The following ROR2 variants were observed in gnomAD, a reference collection of about 807,000 sequenced individuals.
ROR2 encodes the protein ROR family WNT receptor 2.
Under a neutral mutation model 74.9 loss-of-function variants are expected in ROR2, and 33 were observed. The ratio of observed to expected loss-of-function variants is 0.44; its 90% CI spans 0.33 to 0.59. The LOEUF is 0.59. Ranked by LOEUF, ROR2 falls within the 20% of genes least tolerant of loss-of-function variation. The probability of loss-of-function intolerance (pLI) is 0.02; values close to 1 mark genes in which losing one functional copy is unlikely to be tolerated. For missense variants in ROR2, 1,216 were observed against 1,313.8 expected, an observed-to-expected ratio of 0.93 and a Z score of 1.15; for synonymous variants, 586 against 558.7, an observed-to-expected ratio of 1.05 and a Z score of -0.69.
chr9:91,947,834 T>C (rs1832054627), intron 1 of ROR2, among the ~76,000 whole-genome samples: 1 of 152,208 alleles, frequency 6.6e-6, no homozygotes, highest in Non-Finnish European at 1.5e-5. Context: ...GACTCCTCTT[T>C]TCACAGCAGA....
chr9:91,858,310 C>T (rs1169769990), intron 1 of ROR2, among the ~76,000 whole-genome samples: 2 of 152,242 alleles, frequency 1.3e-5, no homozygotes, highest in African/African-American at 2.4e-5. Context: ...CGGGCATACA[C>T]ATCTAAGCAC....
Position 91,733,111 on chromosome 9 carries a change from C to T in ROR2, c.937+11G>A, listed in dbSNP as rs772287629. 99 of 1,583,722 alleles carry T rather than the reference C, an allele frequency of 6.3e-5. No individual in the cohort carries two copies. In the African/African-American group the frequency reaches 6.4e-4, roughly 10 times the overall value. Reference sequence around the variant, plus strand: ...GCCCCCCGGTCCCGCCCCGGGCCCTCGGGCACTCACAGCGGCCCAGCCTCT... The same window carrying T: ...GCCCCCCGGTCCCGCCCCGGGCCCTTGGGCACTCACAGCGGCCCAGCCTCT... On this transcript the variant is annotated intron_variant, in intron 6 of 8. Coordinates refer to ENST00000375708, the MANE Select transcript of ROR2 (RefSeq NM_004560.4). The surrounding 1 kb of genome is among the most constrained non-coding windows in gnomAD (Gnocchi z 5.7).
At chr9:91,909,825 T>TTTTTTTAGG (rs1564032151) in intron 1 of ROR2, among the ~76,000 whole-genome samples, 1 of 87,946 alleles carries the variant, frequency 1.1e-5, no homozygotes, top group Non-Finnish European at 2.6e-5. Flanking sequence ...TCTTTATTCT[T>TTTTTTTAGG]TTTTTTTTTT....
intron 1 of ROR2, among the ~76,000 whole-genome samples, chr9:91,780,752 T>C (rs1055238717): frequency 1.3e-5 from 2 of 151,824 alleles, no homozygotes; most frequent in African/African-American, 4.8e-5. Flanking sequence ...GATGGTGCCA[T>C]TGCACTCCAG....
At chr9:91,748,225 A>G (rs907288026) in intron 4 of ROR2, among the ~76,000 whole-genome samples, 2 of 152,120 alleles carry the variant, frequency 1.3e-5, no homozygotes, top group Non-Finnish European at 2.9e-5. Context: ...CAGTGAGCCA[A>G]GACTGTGCAC....
intron 1 of ROR2, among the ~76,000 whole-genome samples, chr9:91,949,367 G>C (rs7850309): frequency 0.41 from 62,003 of 151,376 alleles, 13,213 homozygotes; most frequent in African/African-American, 0.51. Flanking sequence ...CGCTTCTCCG[G>C]GGCCACGTCC....
At chr9:91,908,379 T>C (rs1286458545) in intron 1 of ROR2, among the ~76,000 whole-genome samples, 2 of 152,246 alleles carry the variant, frequency 1.3e-5, no homozygotes, top group African/African-American at 4.8e-5. Flanking sequence ...TAAAATGTAA[T>C]AGTAAAAACA....
At chr9:91,940,830 G>A (rs1042428749) in intron 1 of ROR2, among the ~76,000 whole-genome samples, 2 of 151,878 alleles carry the variant, frequency 1.3e-5, no homozygotes, top group Non-Finnish European at 2.9e-5. Flanking sequence ...TTGAACCCCT[G>A]ACCTCAGGTG....
intron 8 of ROR2, among the ~76,000 whole-genome samples, chr9:91,725,918 C>T (rs957673914): frequency 6.6e-6 from 1 of 152,222 alleles, no homozygotes; most frequent in African/African-American, 2.4e-5. Context: ...CCCTCCTGGC[C>T]ACCTTGAAGA....
intron 1 of ROR2, among the ~76,000 whole-genome samples, chr9:91,860,376 G>C (rs2075548322): frequency 6.6e-6 from 1 of 152,202 alleles, no homozygotes; most frequent in Admixed American, 6.5e-5. Flanking sequence ...ACGGTGGCTT[G>C]AGGGGGAAGA....
intron 1 of ROR2, among the ~76,000 whole-genome samples, chr9:91,836,287 C>A (rs1249138953): frequency 6.6e-6 from 1 of 152,150 alleles, no homozygotes; most frequent in Admixed American, 6.5e-5. Flanking sequence ...CGCCTGTAAT[C>A]CCAGCACTTT....
At chr9:91,768,867 C>T (rs982677334) in intron 2 of ROR2, among the ~76,000 whole-genome samples, 1 of 152,160 alleles carries the variant, frequency 6.6e-6, no homozygotes, top group Non-Finnish European at 1.5e-5. Flanking sequence ...TCCAGACAAC[C>T]CAATAGGCAT....
intron 1 of ROR2, among the ~76,000 whole-genome samples, chr9:91,831,274 A>C (rs535744298): frequency 7.2e-5 from 11 of 151,974 alleles, no homozygotes; most frequent in East Asian, 5.8e-4. Context: ...AAAAAACAAA[A>C]AAAAAAAATT....
chr9:91,758,293 A>T (rs1825821273), intron 2 of ROR2, among the ~76,000 whole-genome samples: 1 of 152,252 alleles, frequency 6.6e-6, no homozygotes, highest in Non-Finnish European at 1.5e-5. Context: ...CGGAATCTGC[A>T]AATGATGAGG....
chr9:91,913,975 T>G (rs562692250), intron 1 of ROR2, among the ~76,000 whole-genome samples: 1 of 152,256 alleles, frequency 6.6e-6, no homozygotes, highest in East Asian at 1.9e-4. Flanking sequence ...GAATATTAAC[T>G]TTTTTAATGT....
chr9:91,920,916 A>T (rs1450696236), intron 1 of ROR2, among the ~76,000 whole-genome samples: 2 of 152,230 alleles, frequency 1.3e-5, no homozygotes, highest in Non-Finnish European at 2.9e-5. Flanking sequence ...TGTAAATTGG[A>T]GGTTTTATAC....
intron 4 of ROR2, among the ~76,000 whole-genome samples, chr9:91,755,163 G>A (rs1191049884): frequency 5.3e-5 from 8 of 151,582 alleles, no homozygotes; most frequent in African/African-American, 1.2e-4. Flanking sequence ...TTTGGGGGGG[G>A]AAAAAAATCT....
intron 1 of ROR2, among the ~76,000 whole-genome samples, chr9:91,834,019 G>A (rs545720399): frequency 7.2e-5 from 11 of 152,290 alleles, no homozygotes; most frequent in Non-Finnish European, 1.6e-4. Context: ...TGGGTAGGCC[G>A]TCCCCCTGGG....
intron 4 of ROR2, among the ~76,000 whole-genome samples, chr9:91,743,230 CA>C (rs1331795760): frequency 6.6e-6 from 1 of 152,044 alleles, no homozygotes; most frequent in African/African-American, 2.4e-5. Context: ...AGCAAAGAGA[CA>C]AAAAGACTGA....
Sources: allele counts gnomAD v4.1 joint callset (sites outside exome capture counted in the v4.1 genomes callset), GRCh38; gene constraint gnomAD v4.1.1; non-coding constraint Gnocchi (gnomAD v3.1); transcripts MANE v1.5; gene names NCBI Gene and HGNC (gene_info 2026-07-23, HGNC 2026-07-21).